SCEL: variants seen among roughly 807,000 people sequenced by gnomAD.
SCEL encodes the protein sciellin.
In SCEL, 113 loss-of-function variants were observed where a neutral mutation model predicts 117.6. The ratio of observed to expected loss-of-function variants is 0.96; its 90% CI spans 0.83 to 1.12. The LOEUF is 1.12. Among genes scored for constraint, SCEL ranks in the 50% most tolerant of loss-of-function variants. The pLI, the probability that SCEL is intolerant of heterozygous loss-of-function variation, is 0.00. For synonymous variants in SCEL, 270 were observed against 256.2 expected, an observed-to-expected ratio of 1.05 and a Z score of -0.51; for missense variants, 785 against 810.8, an observed-to-expected ratio of 0.97 and a Z score of 0.39.
chr13:77,540,446 CACAT>C (rs1157498907), intron 1 of SCEL, among the ~76,000 whole-genome samples: 9 of 152,156 alleles, frequency 5.9e-5, no homozygotes, highest in African/African-American at 1.9e-4. Flanking sequence ...GCTATTTGAA[CACAT>C]AGTAGGGCTC....
chr13:77,613,036 G>C, intron 23 of SCEL, 95 bp downstream of exon 23: 1 of 712,378 alleles, frequency 1.4e-6, no homozygotes, highest in Non-Finnish European at 2.3e-6. Flanking sequence ...TTTTGAAAGG[G>C]GACATGAAAA....
chr13:77,635,794 T>G (rs1037773650), intron 29 of SCEL, among the ~76,000 whole-genome samples: 1 of 152,174 alleles, frequency 6.6e-6, no homozygotes, highest in Non-Finnish European at 1.5e-5. Context: ...CATGTTCACA[T>G]ATAGAACAGT....
chr13:77,568,184 T>C, intron 6 of SCEL, 111 bp from the exon 7 acceptor site: 6 of 672,232 alleles, frequency 8.9e-6, no homozygotes, highest in Non-Finnish European at 1.5e-5. Context: ...TTTCTATTTC[T>C]TTCTCTCACC....
intron 4 of SCEL, among the ~76,000 whole-genome samples, chr13:77,562,205 A>G (rs2085022257): frequency 6.6e-6 from 1 of 152,130 alleles, no homozygotes; most frequent in South Asian, 2.1e-4. Context: ...TGAAAATAAC[A>G]TGTTGAAACA....
intron 3 of SCEL, 40 bp from the exon 4 acceptor site, chr13:77,559,764 G>C (rs1225973198): frequency 1.3e-6 from 2 of 1,583,040 alleles, no homozygotes; most frequent in Non-Finnish European, 1.7e-6. Context: ...CAACATTGTG[G>C]TAACTTTCTA....
chr13:77,628,098 AT>A (rs945137462), intron 28 of SCEL, 89 bp downstream of exon 28: 2 of 240,664 alleles, frequency 8.3e-6, no homozygotes, highest in African/African-American at 4.7e-5. Flanking sequence ...TATATATAAA[AT>A]ATAATATTAT....
intron 8 of SCEL, among the ~76,000 whole-genome samples, chr13:77,571,031 C>T (rs1320833256): frequency 1.3e-5 from 2 of 151,336 alleles, no homozygotes; most frequent in Non-Finnish European, 3.0e-5. Context: ...GGGGTTTCAC[C>T]ATTTTTGCCA....
At chr13:77,559,771 T>C (rs774757851) in intron 3 of SCEL, 33 bp from the exon 4 acceptor site, 8 of 1,599,972 alleles carry the variant, frequency 5.0e-6, no homozygotes, top group Non-Finnish European at 6.8e-6. Context: ...GTGGTAACTT[T>C]CTATGTGACA....
chr13:77,576,254 G>A (rs1419638060), intron 9 of SCEL, among the ~76,000 whole-genome samples: 2 of 151,998 alleles, frequency 1.3e-5, no homozygotes, highest in African/African-American at 4.8e-5. Flanking sequence ...CCTTCAAAGG[G>A]CACCACTGAC....
chr13:77,570,053 A>T (rs1229329674), intron 8 of SCEL, among the ~76,000 whole-genome samples: 1 of 152,116 alleles, frequency 6.6e-6, no homozygotes, highest in African/African-American at 2.4e-5. Flanking sequence ...ATGTTGAAAA[A>T]ACCCCAGGGC....
chr13:77,618,401 C>G (rs1406006000), intron 27 of SCEL, among the ~76,000 whole-genome samples: 1 of 152,068 alleles, frequency 6.6e-6, no homozygotes, highest in Admixed American at 6.6e-5. Flanking sequence ...AGGGTGGTCT[C>G]AAATTTCTGG....
At chr13:77,620,498 G>A (rs987590685) in intron 27 of SCEL, among the ~76,000 whole-genome samples, 1 of 152,050 alleles carries the variant, frequency 6.6e-6, no homozygotes, top group Admixed American at 6.6e-5. Context: ...CACAGTTAGG[G>A]GCTGAACAAA....
intron 20 of SCEL, 21 bp from the exon 21 acceptor site, chr13:77,609,037 T>A: frequency 1.3e-6 from 2 of 1,549,806 alleles, no homozygotes; most frequent in Non-Finnish European, 1.8e-6. Flanking sequence ...TTTATGATGT[T>A]TTTTGTTTTT....
At chr13:77,610,980 C>A (rs1197361913) in intron 22 of SCEL, among the ~76,000 whole-genome samples, 1 of 152,098 alleles carries the variant, frequency 6.6e-6, no homozygotes, top group Non-Finnish European at 1.5e-5. Context: ...TGAATTTGAA[C>A]ATGAGTTAGA....
intron 1 of SCEL, among the ~76,000 whole-genome samples, chr13:77,548,278 C>A (rs2084105157): frequency 6.6e-6 from 1 of 152,222 alleles, no homozygotes. Flanking sequence ...GCTGGGGACA[C>A]ACACAATCTG....
Position 77,644,531 on chromosome 13 carries a change from G to T in SCEL, c.*257G>T. The stretch of plus-strand genomic sequence containing the variant: ...CAGATTCCAGTGTCAAAGGAGTGAT[G>T]CATTACACTCCAGCCAGGTCCATCC... On this transcript the variant is annotated 3_prime_UTR_variant, in exon 33 of 33. Transcript: ENST00000349847. The T allele has an allele frequency of 4.8e-6, 2 of 418,256 alleles. No individual in the cohort carries two copies. The highest frequency in any genetic ancestry group is 6.5e-5 in the South Asian group (2 of 30,922). The allele number at this position is 418,256 out of a possible 1,614,324, so 25.9% of individuals were successfully genotyped here.
At chr13:77,639,352 A>G (rs989853864) in intron 30 of SCEL, among the ~76,000 whole-genome samples, 1 of 152,254 alleles carries the variant, frequency 6.6e-6, no homozygotes, top group Non-Finnish European at 1.5e-5. Flanking sequence ...ATTTATTTAT[A>G]TACATGAGAC....
chr13:77,582,500 T>A (rs979267367), intron 9 of SCEL, among the ~76,000 whole-genome samples: 13 of 152,202 alleles, frequency 8.5e-5, no homozygotes, highest in Non-Finnish European at 1.3e-4. Flanking sequence ...AGTGCTGGGA[T>A]TACAGGTCTG....
intron 16 of SCEL, chr13:77,602,333 G>T: frequency 2.0e-6 from 1 of 508,500 alleles, no homozygotes; most frequent in Non-Finnish European, 3.5e-6. Context: ...AGGAAAACCT[G>T]CTACATAATC....
Sources: allele counts gnomAD v4.1 joint callset (sites outside exome capture counted in the v4.1 genomes callset), GRCh38; gene constraint gnomAD v4.1.1; transcripts MANE v1.5; gene names NCBI Gene and HGNC (gene_info 2026-07-23, HGNC 2026-07-21).